Variants in TIGD3 observed in about 807,000 individuals in gnomAD.
TIGD3 encodes the protein tigger transposable element-derived protein 3.
Under a neutral mutation model 14.8 loss-of-function variants are expected in TIGD3, and 7 were observed. That is an observed-to-expected ratio of 0.47 (90% CI 0.27 to 0.89). The LOEUF is 0.89. TIGD3 is among the 40% of genes least tolerant of loss of function. The pLI is 0.13. For missense variants in TIGD3, 581 were observed against 611.0 expected (o/e 0.95, Z 0.52); for synonymous variants, 243 against 269.4 (o/e 0.90, Z 0.96).
chr11:65,355,334 C>T (rs1854832599), intron 1 of TIGD3, among the ~76,000 whole-genome samples: 1 of 151,866 alleles, frequency 6.6e-6, no homozygotes, highest in South Asian at 2.1e-4. Context: ...GTCACCTCAA[C>T]TCTGTGTGCA....
Position 65,357,228 on chromosome 11 carries a change from C to A in TIGD3, c.*4C>A, listed in dbSNP as rs747539212. On this transcript the variant is annotated 3_prime_UTR_variant, in exon 2 of 2. Coordinates refer to ENST00000309880, the MANE Select transcript of TIGD3 (RefSeq NM_145719.3). ...GGAGCGGCTTTGCTGCCTATGAAGGCGCCTTCACTGCTTGCCAGAGCCCCT... is the reference window on the plus strand; with the variant it reads ...GGAGCGGCTTTGCTGCCTATGAAGGAGCCTTCACTGCTTGCCAGAGCCCCT... 6.2e-7 allele frequency: 1 copy of A among 1,613,518 alleles called. No homozygotes were observed. Among genetic ancestry groups the A allele is most frequent in the East Asian group, 2.2e-5 (1 of 44,892 alleles).
chr11:65,357,007 G>A lies in TIGD3; in HGVS notation c.1199G>A (p.Gly400Asp), dbSNP rs984271107. The change falls in exon 2 of 2, where the codon GGT (glycine) becomes GAT (aspartate). Residue 400 changes from glycine to aspartate, a missense_variant. Transcript: ENST00000309880. ...TTTTCCCGCTTTGTGGACCTGGAGG[G>A]TGAGGAGCCAAGGTCTGGAGTATGT... is the stretch of plus-strand genomic sequence containing the variant. ...EEFSRFVDLEGEEPRSGVCKE... is the reference protein window; with the variant it reads ...EEFSRFVDLEDEEPRSGVCKE... The A allele has an allele frequency of 1.2e-6, 2 of 1,614,050 alleles. No homozygotes were observed. Among genetic ancestry groups the A allele is most frequent in the Admixed American group, 3.3e-5 (2 of 60,014 alleles).
At position 65,356,434 on chromosome 11, in the gene TIGD3, G is replaced by A. The variant is rs145650667; in HGVS notation, c.626G>A (p.Arg209Gln). 1.5e-5 allele frequency: 24 copies of A among 1,609,172 alleles called. No individual in the cohort carries two copies. The highest frequency in any genetic ancestry group is 1.5e-4 in the African/African-American group (11 of 74,946). ...GCCAACAGCAGGGGCACCGAGAAGC[G>A]GCGGGTACTGCTGGGTGGGCTCCAG... ...LCANSRGTEKRRVLLGGLQAA... is the reference protein window; with the variant it reads ...LCANSRGTEKQRVLLGGLQAA... Residue 209 changes from arginine (R) to glutamine (Q), a missense_variant, in exon 2 of 2, where the codon CGG (arginine) becomes CAG (glutamine). By Grantham distance (43) the Arg-to-Gln change is conservative. Transcript: ENST00000309880. The surrounding 1 kb of genome is among the most constrained non-coding windows in gnomAD (Gnocchi z 5.2).
chr11:65,357,230 C>G lies in TIGD3; in HGVS notation c.*6C>G. The G allele has an allele frequency of 6.2e-7, 1 of 1,613,370 alleles. No individual in the cohort carries two copies. Among genetic ancestry groups the G allele is most frequent in the Non-Finnish European group, 8.5e-7 (1 of 1,179,600 alleles). ...AGCGGCTTTGCTGCCTATGAAGGCG[C>G]CTTCACTGCTTGCCAGAGCCCCTTC... On this transcript the variant is annotated 3_prime_UTR_variant, in exon 2 of 2. Transcript: ENST00000309880.
Position 65,356,785 on chromosome 11 carries a change from CCTCG to C in TIGD3, c.980_983del (p.Ser327TrpfsTer60). The C allele has an allele frequency of 6.2e-7, 1 of 1,612,864 alleles. No homozygotes were observed. ...GCCATCCAAAGCGAGAGGGATGGCA[CCTCG>C]CTGGCCGAGGCCGGGGCAGGCATCA... On this transcript the variant is annotated frameshift_variant, in exon 2 of 2. Coordinates refer to ENST00000309880, the MANE Select transcript of TIGD3 (RefSeq NM_145719.3). LOFTEE classifies it low-confidence loss of function (END_TRUNC). The surrounding 1 kb of genome is among the most constrained non-coding windows in gnomAD (Gnocchi z 5.2).
intron 1 of TIGD3, among the ~76,000 whole-genome samples, chr11:65,355,519 A>G (rs1854836752): frequency 7.2e-6 from 1 of 138,962 alleles, no homozygotes; most frequent in South Asian, 2.3e-4. Context: ...TGTCCCCTGC[A>G]CTTTTCATCC....
Position 65,356,049 on chromosome 11 carries a change from G to C in TIGD3, c.241G>C (p.Glu81Gln). Residue 81 changes from glutamate (E) to glutamine (Q), a missense_variant, in exon 2 of 2, where the codon GAG (glutamate) becomes CAG (glutamine). Coordinates refer to ENST00000309880, the MANE Select transcript of TIGD3 (RefSeq NM_145719.3). This position sits in a 1 kb window ranked among gnomAD's most constrained non-coding sequence, Gnocchi z 5.2. ...GGAGTCCAAGTACAGCGGGATCGAC[G>C]AGGCTCTGCTCTGCTGGTACCACAT... is the stretch of plus-strand genomic sequence containing the variant. ...KRESKYSGID[E>Q]ALLCWYHIAR... 6.2e-7 allele frequency: 1 copy of C among 1,612,750 alleles called. No homozygotes were observed. The highest frequency in any genetic ancestry group is 8.5e-7 in the Non-Finnish European group (1 of 1,180,014).
rs1365784213 is a variant in TIGD3, at chr11:65,356,948, G to A, written c.1140G>A (p.Met380Ile). The A allele has an allele frequency of 1.2e-6, 2 of 1,614,150 alleles. No individual in the cohort carries two copies. The highest frequency in any genetic ancestry group is 1.7e-6 in the Non-Finnish European group (2 of 1,180,032). Residue 380 changes from methionine to isoleucine, a missense_variant, in exon 2 of 2, where the codon ATG becomes ATA. Met to Ile is a conservative substitution (Grantham distance 10, BLOSUM62 1). Coordinates refer to ENST00000309880, the MANE Select transcript of TIGD3 (RefSeq NM_145719.3). This position sits in a 1 kb window ranked among gnomAD's most constrained non-coding sequence, Gnocchi z 5.2. ...TPPSSHKTSE[M>I]PPVPGGLSLE... ...CGTCCTCGCACAAAACCTCTGAGAT[G>A]CCACCAGTCCCCGGCGGGCTGAGCC...
chr11:65,355,844 G>A lies in TIGD3; in HGVS notation c.36G>A (p.Leu12=), dbSNP rs780430673. The change falls in exon 2 of 2, where the codon CTG becomes CTA. Residue 12 remains leucine (L), a synonymous_variant. Transcript: ENST00000309880. ...GCAGCAAGAAGAAGCTTCACGCCCT[G>A]TCCCTGGCCGAGAAGATCCAGGTGC... is the stretch of plus-strand genomic sequence containing the variant. ...ELSSKKKLHA[L]SLAEKIQVLE... 24 of 1,613,748 alleles carry A rather than the reference G, an allele frequency of 1.5e-5. No individual in the cohort carries two copies. Among genetic ancestry groups the A allele is most frequent in the Admixed American group, 5.0e-5 (3 of 60,016 alleles).
Position 65,356,209 on chromosome 11 carries a change from G to T in TIGD3, c.401G>T (p.Gly134Val), listed in dbSNP as rs759610271. ...LVRWKRRNNV[G>V]FGARHVLAPS... ...CGCTGGAAACGCCGAAACAACGTCGGCTTTGGGGCCCGCCATGTTCTTGCG... is the reference window on the plus strand; with the variant it reads ...CGCTGGAAACGCCGAAACAACGTCGTCTTTGGGGCCCGCCATGTTCTTGCG... The change falls in exon 2 of 2, where the codon GGC (glycine) becomes GTC (valine). Residue 134 changes from glycine to valine, a missense_variant. Physicochemically the swap from Gly to Val is moderately radical, Grantham distance 109. Transcript: ENST00000309880. The surrounding 1 kb of genome is among the most constrained non-coding windows in gnomAD (Gnocchi z 5.2). 1 of 1,612,124 alleles carries T rather than the reference G, an allele frequency of 6.2e-7. No individual in the cohort carries two copies. Among genetic ancestry groups the T allele is most frequent in the Non-Finnish European group, 8.5e-7 (1 of 1,179,968 alleles).
rs552942326 is a variant in TIGD3, at chr11:65,357,331, C to G, written c.*107C>G. 4.4e-5 allele frequency: 48 copies of G among 1,090,512 alleles called. 1 individual carries two copies. The highest frequency in any genetic ancestry group is 4.2e-4 in the South Asian group (27 of 64,890). The allele number at this position is 1,090,512 out of a possible 1,614,324, so 67.6% of individuals were successfully genotyped here. A position where few individuals can be genotyped will look rare whatever the true frequency, so the allele number is the denominator to read the frequency against. The stretch of plus-strand genomic sequence containing the variant: ...CTCTTTCCTGTGGAAATAGAACTGT[C>G]GTAAAGGTGTAGAAGGGAGAGAAGT... On this transcript the variant is annotated 3_prime_UTR_variant, in exon 2 of 2. Coordinates refer to ENST00000309880, the MANE Select transcript of TIGD3 (RefSeq NM_145719.3).
chr11:65,355,695 C>T, intron 1 of TIGD3, 98 bp from the exon 2 acceptor site: 1 of 1,043,572 alleles, frequency 9.6e-7, no homozygotes, highest in Non-Finnish European at 1.4e-6. Context: ...CCGGTGCCTG[C>T]GCAAGTCCTC....
Position 65,357,322 on chromosome 11 carries a change from T to C in TIGD3, c.*98T>C, listed in dbSNP as rs1854872772. 2.6e-6 allele frequency: 3 copies of C among 1,171,532 alleles called. No individual in the cohort carries two copies. Among genetic ancestry groups the C allele is most frequent in the Admixed American group, 2.4e-5 (1 of 41,146 alleles). 72.6% of individuals were successfully genotyped at this position (1,171,532 alleles called of 1,614,324 possible). A position where few individuals can be genotyped will look rare whatever the true frequency, so the allele number is the denominator to read the frequency against. On this transcript the variant is annotated 3_prime_UTR_variant, in exon 2 of 2. Transcript: ENST00000309880. ...TCGGGCTGTCTCTTTCCTGTGGAAA[T>C]AGAACTGTCGTAAAGGTGTAGAAGG...
Position 65,357,252 on chromosome 11 carries a change from C to T in TIGD3, c.*28C>T. ...GCGCCTTCACTGCTTGCCAGAGCCC[C>T]TTCCTCTCTTGTTTCCCATGGAAAC... On this transcript the variant is annotated 3_prime_UTR_variant, in exon 2 of 2. Transcript: ENST00000309880. 1 of 1,603,508 alleles carries T rather than the reference C, an allele frequency of 6.2e-7. No homozygotes were observed. The highest frequency in any genetic ancestry group is 2.2e-5 in the East Asian group (1 of 44,754).
chr11:65,354,886 T>C lies in TIGD3; in HGVS notation c.-88T>C, dbSNP rs1357475918. 1 of 151,544 alleles carries C rather than the reference T, an allele frequency of 6.6e-6. No individual in the cohort carries two copies. The allele number at this position is 151,544 out of a possible 1,614,324, so 9.4% of individuals were successfully genotyped here. On this transcript the variant is annotated 5_prime_UTR_variant, in exon 1 of 2. Coordinates refer to ENST00000309880, the MANE Select transcript of TIGD3 (RefSeq NM_145719.3). ...GGCGCCCATCCCTCCCCTGTTCTGC[T>C]GTCGCCGCCCGGACAGGGGCTCGGG...
Position 65,357,334 on chromosome 11 carries a change from AAAGGTGTAG to A in TIGD3, c.*115_*123del, listed in dbSNP as rs1854873081. 1 of 1,065,112 alleles carries A rather than the reference AAAGGTGTAG, an allele frequency of 9.4e-7. No individual in the cohort carries two copies. Among genetic ancestry groups the A allele is most frequent in the Non-Finnish European group, 1.4e-6 (1 of 735,526 alleles). 66.0% of individuals were successfully genotyped at this position (1,065,112 alleles called of 1,614,324 possible). A position where few individuals can be genotyped will look rare whatever the true frequency, so the allele number is the denominator to read the frequency against. ...TTTCCTGTGGAAATAGAACTGTCGTAAAGGTGTAGAAGGGAGAGAAGTTGGGACACCAAG... is the reference window on the plus strand; with the variant it reads ...TTTCCTGTGGAAATAGAACTGTCGTAAAGGGAGAGAAGTTGGGACACCAAG... On this transcript the variant is annotated 3_prime_UTR_variant, in exon 2 of 2. Coordinates refer to ENST00000309880, the MANE Select transcript of TIGD3 (RefSeq NM_145719.3).
chr11:65,357,416 A>G lies in TIGD3; in HGVS notation c.*192A>G. On this transcript the variant is annotated 3_prime_UTR_variant, in exon 2 of 2. Coordinates refer to ENST00000309880, the MANE Select transcript of TIGD3 (RefSeq NM_145719.3). ...TCCAAACCCCAGGAAGAGAGCTCTA[A>G]AGATGGGGCTTCGGGGGTAGGAATC... 1.7e-6 allele frequency: 1 copy of G among 598,194 alleles called. No individual in the cohort carries two copies. Among genetic ancestry groups the G allele is most frequent in the Non-Finnish European group, 3.0e-6 (1 of 333,682 alleles). 37.1% of individuals were successfully genotyped at this position (598,194 alleles called of 1,614,324 possible). A position where few individuals can be genotyped will look rare whatever the true frequency, so the allele number is the denominator to read the frequency against.
Position 65,356,864 on chromosome 11 carries a change from T to G in TIGD3, c.1056T>G (p.Pro352=). Residue 352 remains proline, a synonymous_variant, in exon 2 of 2, where the codon CCT becomes CCG. Transcript: ENST00000309880. This position sits in a 1 kb window ranked among gnomAD's most constrained non-coding sequence, Gnocchi z 5.2. ...CGTCTGCCGCCTGGGCCAAGGTGCC[T>G]CCTCAGCTCATTTTCAGCAGCTTCA... The part of the protein sequence containing the change: ...HVASAAWAKV[P]PQLIFSSFIQ... 1 of 1,613,570 alleles carries G rather than the reference T, an allele frequency of 6.2e-7. No individual in the cohort carries two copies. The highest frequency in any genetic ancestry group is 8.5e-7 in the Non-Finnish European group (1 of 1,180,028).
chr11:65,355,424 C>T (rs1854834706), intron 1 of TIGD3, among the ~76,000 whole-genome samples: 2 of 150,622 alleles, frequency 1.3e-5, no homozygotes, highest in Admixed American at 1.3e-4. Flanking sequence ...GGGCTCCTCC[C>T]CCGCAGCCCC....
Sources: allele counts gnomAD v4.1 joint callset (sites outside exome capture counted in the v4.1 genomes callset), GRCh38; gene constraint gnomAD v4.1.1; non-coding constraint Gnocchi (gnomAD v3.1); transcripts MANE v1.5; gene names NCBI Gene and HGNC (gene_info 2026-07-23, HGNC 2026-07-21).